HIF3A: variants seen among roughly 807,000 people sequenced by gnomAD.
HIF3A encodes the protein hypoxia inducible factor 3 subunit alpha, also known as hypoxia-inducible factor 3-alpha.
A neutral mutation model predicts 67.2 loss-of-function variants in HIF3A; 41 were observed. The observed-to-expected ratio is 0.61, with a 90% CI of 0.48 to 0.79. HIF3A has a LOEUF of 0.79. HIF3A is among the 30% of genes least tolerant of loss of function. The pLI is 0.00. For missense variants in HIF3A, 855 were observed against 898.0 expected (o/e 0.95, Z 0.61); for synonymous variants, 356 against 374.8 (o/e 0.95, Z 0.58).
At chr19:46,333,788 CTTTTTTTT>C (rs1165101162) in intron 13 of HIF3A, among the ~76,000 whole-genome samples, 3 of 103,564 alleles carry the variant, frequency 2.9e-5, no homozygotes, top group Non-Finnish European at 5.8e-5. Context: ...TTCTTTCTTT[CTTTTTTTT>C]TTTTTTTTTT....
rs542550285 is a variant in HIF3A, at chr19:46,303,569, C to T, written c.27-329C>T. On this transcript the variant is annotated intron_variant, in intron 1 of 14. Transcript: ENST00000377670. ...CCCAGCAGGGGCCCTCCCTGTCCCC[C>T]AGGCGTCCCTAGCCTGGGAAATAAA... The T allele has an allele frequency of 4.9e-4, 742 of 1,513,246 alleles. 10 individuals carry two copies. In the South Asian group the frequency reaches 6.9e-3, roughly 14 times the overall value. The allele number at this position is 1,513,246 out of a possible 1,614,324, so 93.7% of individuals were successfully genotyped here.
intron 1 of HIF3A, chr19:46,298,629 G>C (rs1968062036): frequency 1.5e-6 from 1 of 688,334 alleles, no homozygotes; most frequent in African/African-American, 1.9e-5. Flanking sequence ...ACGGCTTGCA[G>C]CCCAGAGTGC....
rs1197850905 is a variant in HIF3A at position 46,341,352 on chromosome 19, A to T, written c.*1730A>T. 1 of 151,930 alleles carries T rather than the reference A, an allele frequency of 6.6e-6. No individual in the cohort carries two copies. Among genetic ancestry groups the T allele is most frequent in the Non-Finnish European group, 1.5e-5 (1 of 67,990 alleles). 9.4% of individuals were successfully genotyped at this position (151,930 alleles called of 1,614,324 possible). Reference sequence around the variant, plus strand: ...ATAGCTGGGATTACAGGCATGTGCCACCACGCCCAGCTAAGTTTTATATTT... The same window carrying T: ...ATAGCTGGGATTACAGGCATGTGCCTCCACGCCCAGCTAAGTTTTATATTT... On this transcript the variant is annotated 3_prime_UTR_variant, in exon 15 of 15. Coordinates refer to ENST00000377670, the MANE Select transcript of HIF3A (RefSeq NM_152795.4).
rs1307863490 is a variant in HIF3A, at chr19:46,321,954, A to G, written c.1323A>G (p.Gln441=). 1 of 1,613,644 alleles carries G rather than the reference A, an allele frequency of 6.2e-7. No individual in the cohort carries two copies. The highest frequency in any genetic ancestry group is 2.2e-5 in the East Asian group (1 of 44,850). Residue 441 remains glutamine (Q), a synonymous_variant, in exon 10 of 15, where the codon CAA becomes CAG. Transcript: ENST00000377670. ...PSTPLATRHP[Q]SPLSADLPDE... ...CCCCGCTGGCCACACGGCACCCCCA[A>G]AGTCCTCTTTCGGTAAGCCATCCCA... is the stretch of plus-strand genomic sequence containing the variant.
At chr19:46,331,593 C>T (rs375857660) in intron 13 of HIF3A, 98 of 169,956 alleles carry the variant, frequency 5.8e-4, no homozygotes, top group African/African-American at 2.2e-3. Flanking sequence ...CGGTTGCTCA[C>T]GCATGTGATC....
chr19:46,298,221 C>T (rs1968014630), intron 1 of HIF3A: 1 of 349,414 alleles, frequency 2.9e-6, no homozygotes, highest in Admixed American at 3.8e-5. Context: ...CCCATCCTCT[C>T]CCCTGTCCCC....
intron 1 of HIF3A, among the ~76,000 whole-genome samples, chr19:46,298,888 G>GCC (rs60593560): frequency 1.1e-4 from 16 of 150,774 alleles, no homozygotes; most frequent in African/African-American, 3.9e-4. Context: ...TTCGTAAGAC[G>GCC]CCCCCCCCCA....
rs1237403658 is a variant in HIF3A, at chr19:46,308,237, A to C, written c.380A>C (p.His127Pro). 1 of 1,613,766 alleles carries C rather than the reference A, an allele frequency of 6.2e-7. No individual in the cohort carries two copies. Residue 127 changes from histidine to proline, a missense_variant, in exon 4 of 15, where the codon CAC becomes CCC. Transcript: ENST00000377670. Reference protein sequence around the residue: ...LGLSQLELIGHSIFDFIHPCD... With the variant: ...LGLSQLELIGPSIFDFIHPCD... ...CCCTGGCAGCTGGAGCTCATTGGAC[A>C]CAGCATCTTTGATTTCATCCACCCC...
chr19:46,320,836 T>C (rs1391612418), intron 9 of HIF3A, among the ~76,000 whole-genome samples: 1 of 152,206 alleles, frequency 6.6e-6, no homozygotes, highest in Non-Finnish European at 1.5e-5. Context: ...TTCAGTCTCT[T>C]GCTGGCCTCT....
At chr19:46,329,817 C>T (rs147206636) in intron 12 of HIF3A, among the ~76,000 whole-genome samples, 234 of 151,874 alleles carry the variant, frequency 1.5e-3, no homozygotes, top group African/African-American at 5.2e-3. Flanking sequence ...CTATCTAAGC[C>T]GGGTGTGGTG....
chr19:46,330,273 G>A (rs952160472), intron 12 of HIF3A, among the ~76,000 whole-genome samples: 1 of 152,194 alleles, frequency 6.6e-6, no homozygotes, highest in Non-Finnish European at 1.5e-5. Context: ...ACTTTAATGG[G>A]TGGACAGGTG....
At chr19:46,300,085 G>A (rs1393417593) in intron 1 of HIF3A, among the ~76,000 whole-genome samples, 1 of 152,186 alleles carries the variant, frequency 6.6e-6, no homozygotes. Context: ...CTCAGTTTCT[G>A]CCTCTTTAAA....
At position 46,304,098 on chromosome 19, in the gene HIF3A, G is replaced by C. The variant is rs1601199583; in HGVS notation, c.217+10G>C. The C allele has an allele frequency of 5.2e-6, 8 of 1,550,228 alleles. No homozygotes were observed. The East Asian group carries it at 1.7e-4, about 33-fold the overall frequency. On this transcript the variant is annotated intron_variant, in intron 2 of 14. Transcript: ENST00000377670. ...CGCCTCTGCGCCGCAGGTGAGCCCC[G>C]CCCGCGGGAATTCCCGTCTTGGTCA...
chr19:46,305,181 G>A (rs777394117), intron 2 of HIF3A, 64 bp from the exon 3 acceptor site: 2 of 1,610,638 alleles, frequency 1.2e-6, no homozygotes, highest in Non-Finnish European at 1.7e-6. Flanking sequence ...CTAGCCCAGG[G>A]TCAGTCCATA....
chr19:46,303,523 G>C (rs1405105751), intron 1 of HIF3A: 2 of 1,191,094 alleles, frequency 1.7e-6, no homozygotes, highest in East Asian at 5.1e-5. Flanking sequence ...TCTGGCCCCT[G>C]GCCAGCTCAG....
chr19:46,310,236 A>C (rs1180269800), intron 6 of HIF3A, among the ~76,000 whole-genome samples: 1 of 150,708 alleles, frequency 6.6e-6, no homozygotes, highest in Non-Finnish European at 1.5e-5. Flanking sequence ...AAAAAGAAAA[A>C]AAAGAAAAAA....
intron 14 of HIF3A, chr19:46,338,143 C>G (rs1971761531): frequency 1.1e-5 from 5 of 452,708 alleles, no homozygotes; most frequent in South Asian, 7.8e-5. Context: ...CTGGTCACTG[C>G]TGTGTCTCTA....
chr19:46,303,710 C>A (rs1283247820), intron 1 of HIF3A, 188 bp from the exon 2 acceptor site: 1 of 1,570,732 alleles, frequency 6.4e-7, no homozygotes, highest in Non-Finnish European at 8.6e-7. Flanking sequence ...CTAGGAAGGG[C>A]TCCACAGTGT....
intron 5 of HIF3A, 46 bp downstream of exon 5, chr19:46,308,821 T>A: frequency 7.8e-7 from 1 of 1,285,482 alleles, no homozygotes; most frequent in Non-Finnish European, 1.1e-6. Context: ...TGGGGCTGGG[T>A]GTGAGCCCTG....
Sources: gnomAD v4.1 joint callset for allele counts (sites outside exome capture counted in the v4.1 genomes callset) on GRCh38, gnomAD v4.1.1 for gene constraint, MANE v1.5 for transcripts, NCBI Gene and HGNC (gene_info 2026-07-23, HGNC 2026-07-21) for gene names.